Variants in CNKSR2 observed in about 807,000 individuals in gnomAD.
The protein encoded by CNKSR2 is connector enhancer of kinase suppressor of Ras 2.
Under a neutral mutation model 84.4 loss-of-function variants are expected in CNKSR2, and 14 were observed. The observed-to-expected ratio is 0.17, with a 90% CI of 0.11 to 0.26. The LOEUF is 0.26. Among genes scored for constraint, CNKSR2 ranks in the 10% least tolerant of loss-of-function variants. The pLI, the probability that CNKSR2 is intolerant of heterozygous loss-of-function variation, is 1.00. For missense variants in CNKSR2, 485 were observed against 771.2 expected (o/e 0.63, Z 4.40); for synonymous variants, 275 against 277.9 (o/e 0.99, Z 0.10).
intron 13 of CNKSR2, among the ~76,000 whole-genome samples, chrX:21,583,477 A>T (rs1044100034): frequency 9.1e-6 from 1 of 109,999 alleles, no homozygotes; most frequent in Non-Finnish European, 1.9e-5. Flanking sequence ...TTGTTTATTT[A>T]AAAAAAAAGT....
intron 3 of CNKSR2, among the ~76,000 whole-genome samples, chrX:21,436,904 A>G (rs1262606373): frequency 9.0e-6 from 1 of 111,687 alleles, no homozygotes; most frequent in Admixed American, 9.5e-5. Context: ...CATCATACCA[A>G]ACCTTAAAAT....
intron 5 of CNKSR2, among the ~76,000 whole-genome samples, chrX:21,487,850 T>C (rs1323985487): frequency 8.9e-6 from 1 of 112,243 alleles, no homozygotes. Context: ...ACATAATTTG[T>C]GAGACCTAGT....
intron 13 of CNKSR2, among the ~76,000 whole-genome samples, chrX:21,586,849 C>T (rs755458920): frequency 9.0e-6 from 1 of 110,985 alleles, no homozygotes; most frequent in South Asian, 3.8e-4. Context: ...AATGAATTCC[C>T]CTAAAAGGCA....
chrX:21,611,273 A>G (rs1056139598), intron 20 of CNKSR2, among the ~76,000 whole-genome samples: 6 of 112,821 alleles, frequency 5.3e-5, no homozygotes, highest in African/African-American at 1.9e-4. Context: ...GTGACTAAGT[A>G]TGTGAGGTTT....
chrX:21,521,353 A>T lies in CNKSR2; in HGVS notation c.957+4722A>T, dbSNP rs190244308. 7.5e-3 allele frequency among the ~76,000 whole-genome samples: 827 copies of T among 110,883 alleles called. 2 individuals are homozygous for T. Among genetic ancestry groups the T allele is most frequent in the African/African-American group, 0.025 (784 of 30,759 alleles). On this transcript the variant is annotated intron_variant, in intron 9 of 21. Transcript: ENST00000379510. ...GTAAATACATGCAAGTAATTGTCAA[A>T]TTTTAGCTCACCAGTCTTTAAGCAA... is the stretch of plus-strand genomic sequence containing the variant.
chrX:21,596,867 C>T (rs1029990459), intron 17 of CNKSR2, among the ~76,000 whole-genome samples: 1 of 111,352 alleles, frequency 9.0e-6, no homozygotes, highest in Non-Finnish European at 1.9e-5. Context: ...TCTCCTTGTT[C>T]TCAAAATGAA....
intron 11 of CNKSR2, among the ~76,000 whole-genome samples, chrX:21,552,372 T>G (rs1046851365): frequency 1.8e-5 from 2 of 112,255 alleles, no homozygotes; most frequent in East Asian, 5.6e-4. Context: ...TTGGGTTAAT[T>G]TACTGTTTCC....
At position 21,446,998 on chromosome X, in the gene CNKSR2, G is replaced by A. The variant is rs1677522626; in HGVS notation, c.519+6217G>A. On this transcript the variant is annotated intron_variant, in intron 4 of 21. Coordinates refer to ENST00000379510, the MANE Select transcript of CNKSR2 (RefSeq NM_014927.5). ...AGCTCCTCTCCCATTTCATCAGCTTGCCTCCTCAAGGTGTTTATCATTTTA... is the reference window on the plus strand; with the variant it reads ...AGCTCCTCTCCCATTTCATCAGCTTACCTCCTCAAGGTGTTTATCATTTTA... 3.6e-5 allele frequency among the ~76,000 whole-genome samples: 4 copies of A among 111,154 alleles called. No individual in the cohort carries two copies. The Admixed American group carries it at 3.8e-4, about 11-fold the overall frequency.
At chrX:21,548,749 A>T (rs774534348) in intron 11 of CNKSR2, among the ~76,000 whole-genome samples, 2 of 112,158 alleles carry the variant, frequency 1.8e-5, no homozygotes, top group Admixed American at 1.9e-4. Context: ...CATCCCTGGG[A>T]TGCAAGGCTT....
intron 5 of CNKSR2, among the ~76,000 whole-genome samples, chrX:21,471,367 T>A (rs2091196362): frequency 8.9e-6 from 1 of 112,086 alleles, no homozygotes; most frequent in Non-Finnish European, 1.9e-5. Context: ...TAATGAACAG[T>A]TGGCCACTTT....
intron 11 of CNKSR2, among the ~76,000 whole-genome samples, chrX:21,534,091 C>T (rs749786891): frequency 9.1e-6 from 1 of 109,842 alleles, no homozygotes; most frequent in South Asian, 3.8e-4. Flanking sequence ...CCCTCTCCCA[C>T]TCACCCCTCC....
intron 15 of CNKSR2, chrX:21,593,729 A>G (rs1341729964): frequency 9.0e-6 from 1 of 111,294 alleles, no homozygotes; most frequent in Non-Finnish European, 1.9e-5. Context: ...AATGACCTTT[A>G]TATATATATA....
chrX:21,496,989 AT>A (rs2091506409), intron 6 of CNKSR2, among the ~76,000 whole-genome samples: 1 of 111,239 alleles, frequency 9.0e-6, no homozygotes, highest in African/African-American at 3.3e-5. Context: ...AATATTAAAA[AT>A]GTGAATCCCT....
chrX:21,624,221 A>T (rs1175345158), intron 20 of CNKSR2, among the ~76,000 whole-genome samples: 8 of 112,228 alleles, frequency 7.1e-5, no homozygotes, highest in African/African-American at 2.6e-4. Context: ...CAAAGGAAAA[A>T]GACATAATTT....
intron 5 of CNKSR2, among the ~76,000 whole-genome samples, chrX:21,485,066 C>G (rs930914303): frequency 1.8e-5 from 2 of 110,345 alleles, no homozygotes; most frequent in Admixed American, 9.7e-5. Context: ...GCCTGTAATC[C>G]CAGCTACTCG....
intron 1 of CNKSR2, chrX:21,421,748 G>A (rs940963005): frequency 2.5e-4 from 28 of 110,387 alleles, no homozygotes; most frequent in African/African-American, 8.9e-4. Flanking sequence ...ATCACTAGGA[G>A]GGCAGGGTAT....
At chrX:21,592,597 TCAAAGGGAC>T (rs1446932684) in intron 15 of CNKSR2, 1 of 111,135 alleles carries the variant, frequency 9.0e-6, no homozygotes, top group African/African-American at 3.3e-5. Context: ...GTAACATTTT[TCAAAGGGAC>T]CTCTCATTTT....
chrX:21,382,455 A>G, intron 1 of CNKSR2, among the ~76,000 whole-genome samples: 1 of 111,385 alleles, frequency 9.0e-6, no homozygotes, highest in Non-Finnish European at 1.9e-5. Flanking sequence ...CTAAGCATTT[A>G]TTTCCCTTCA....
At chrX:21,631,661 C>T (rs1482264436) in intron 20 of CNKSR2, among the ~76,000 whole-genome samples, 2 of 111,882 alleles carry the variant, frequency 1.8e-5, no homozygotes, top group African/African-American at 3.2e-5. Flanking sequence ...AGAGTAAATG[C>T]ATGTAACCTG....
Sources: gnomAD v4.1 joint callset for allele counts (sites outside exome capture counted in the v4.1 genomes callset) on GRCh38, gnomAD v4.1.1 for gene constraint, MANE v1.5 for transcripts, NCBI Gene and HGNC (gene_info 2026-07-23, HGNC 2026-07-21) for gene names.